The following KIF16B variants were observed in gnomAD, a reference collection of about 807,000 sequenced individuals.
KIF16B encodes the protein kinesin-like protein KIF16B.
A neutral mutation model predicts 156.3 loss-of-function variants in KIF16B; 98 were observed. The observed-to-expected ratio is 0.63, with a 90% CI of 0.53 to 0.74. The LOEUF (loss-of-function observed/expected upper bound fraction) is 0.74. KIF16B is among the 30% of genes least tolerant of loss of function. KIF16B has a pLI of 0.00. For missense variants in KIF16B, 1,421 were observed against 1,606.5 expected (o/e 0.88, Z 1.97); for synonymous variants, 564 against 583.7 (o/e 0.97, Z 0.49).
intron 17 of KIF16B, among the ~76,000 whole-genome samples, chr20:16,400,656 G>T (rs528059656): frequency 2.0e-5 from 3 of 152,178 alleles, no homozygotes; most frequent in Non-Finnish European, 4.4e-5. Flanking sequence ...TGGTATATCC[G>T]TAAAATGGAA....
intron 12 of KIF16B, among the ~76,000 whole-genome samples, chr20:16,480,651 C>G (rs1251420234): frequency 6.6e-6 from 1 of 152,126 alleles, no homozygotes; most frequent in Non-Finnish European, 1.5e-5. Context: ...AGAACAACCG[C>G]AGAGAGGAGG....
intron 19 of KIF16B, among the ~76,000 whole-genome samples, chr20:16,377,587 T>C (rs1268233526): frequency 6.6e-6 from 1 of 151,608 alleles, no homozygotes; most frequent in Non-Finnish European, 1.5e-5. Flanking sequence ...TGTGATCTCA[T>C]CCATCCTCTT....
chr20:16,367,228 T>G, intron 22 of KIF16B: 1 of 1,612,846 alleles, frequency 6.2e-7, no homozygotes, highest in Middle Eastern at 1.6e-4. Flanking sequence ...AGGTGCGACA[T>G]TCTGACTGCC....
chr20:16,550,153 A>G (rs2070584609), intron 1 of KIF16B, among the ~76,000 whole-genome samples: 2 of 123,554 alleles, frequency 1.6e-5, no homozygotes, highest in Admixed American at 9.1e-5. Context: ...ATTTACAAGA[A>G]AAAAACAAAC....
chr20:16,363,412 A>G (rs1245966647), intron 22 of KIF16B, among the ~76,000 whole-genome samples: 2 of 152,188 alleles, frequency 1.3e-5, no homozygotes, highest in Non-Finnish European at 2.9e-5. Context: ...AAGTCCTACA[A>G]GTTTTATCTG....
chr20:16,472,456 G>A (rs1292461170), intron 12 of KIF16B, among the ~76,000 whole-genome samples: 1 of 150,620 alleles, frequency 6.6e-6, no homozygotes, highest in Non-Finnish European at 1.5e-5. Context: ...CCTCTAAACT[G>A]CCAAGCTACA....
At chr20:16,468,393 G>A (rs1053055745) in intron 12 of KIF16B, among the ~76,000 whole-genome samples, 2 of 151,916 alleles carry the variant, frequency 1.3e-5, no homozygotes, top group Non-Finnish European at 1.5e-5. Flanking sequence ...CCAACATGGC[G>A]AAACTCCGTC....
At chr20:16,313,952 T>A (rs2063659176) in intron 24 of KIF16B, among the ~76,000 whole-genome samples, 1 of 152,228 alleles carries the variant, frequency 6.6e-6, no homozygotes, top group African/African-American at 2.4e-5. Flanking sequence ...GTCATACTCT[T>A]ACGTGTTGCA....
intron 23 of KIF16B, among the ~76,000 whole-genome samples, chr20:16,345,569 C>T (rs1298940902): frequency 2.0e-5 from 3 of 152,184 alleles, no homozygotes; most frequent in East Asian, 3.9e-4. Context: ...TCTCATTTAC[C>T]AAATTCCCTT....
At chr20:16,311,007 T>C (rs2063612041) in intron 25 of KIF16B, among the ~76,000 whole-genome samples, 1 of 152,242 alleles carries the variant, frequency 6.6e-6, no homozygotes, top group South Asian at 2.1e-4. Flanking sequence ...CTCCAGCCTC[T>C]AGATATTTCC....
At chr20:16,445,577 G>A (rs74643253) in intron 12 of KIF16B, among the ~76,000 whole-genome samples, 1,874 of 151,938 alleles carry the variant, frequency 0.012, 32 homozygotes, top group African/African-American at 0.03. Flanking sequence ...GCATAATCAG[G>A]AGCAGCCTTG....
At chr20:16,550,528 C>CTTTTT (rs745923425) in intron 1 of KIF16B, among the ~76,000 whole-genome samples, 24 of 103,484 alleles carry the variant, frequency 2.3e-4, no homozygotes, top group African/African-American at 3.1e-4. Context: ...ATGAAACATT[C>CTTTTT]TTTTTTTTTT....
chr20:16,367,743 C>T, intron 22 of KIF16B: 1 of 1,612,382 alleles, frequency 6.2e-7, no homozygotes, highest in South Asian at 1.1e-5. Flanking sequence ...AAAGCTGAAC[C>T]AGATCTTGCT....
intron 17 of KIF16B, among the ~76,000 whole-genome samples, chr20:16,384,847 T>C (rs546825287): frequency 9.9e-5 from 15 of 152,108 alleles, no homozygotes; most frequent in Non-Finnish European, 2.1e-4. Flanking sequence ...TCTTACAGAC[T>C]GTTGCAGCCT....
At chr20:16,557,099 A>G (rs2070876774) in intron 1 of KIF16B, among the ~76,000 whole-genome samples, 1 of 148,862 alleles carries the variant, frequency 6.7e-6, no homozygotes, top group Admixed American at 6.7e-5. Flanking sequence ...TATATATAGT[A>G]TTAATATTAA....
At chr20:16,361,185 C>T (rs2064545188) in intron 22 of KIF16B, among the ~76,000 whole-genome samples, 1 of 152,186 alleles carries the variant, frequency 6.6e-6, no homozygotes, top group African/African-American at 2.4e-5. Context: ...TTTTCAACTA[C>T]ACATACTATA....
At chr20:16,479,324 C>CA (rs1280031153) in intron 12 of KIF16B, among the ~76,000 whole-genome samples, 2 of 151,966 alleles carry the variant, frequency 1.3e-5, no homozygotes, top group African/African-American at 4.8e-5. Context: ...AAAGAAGACA[C>CA]AGGGAGTGGA....
chr20:16,504,685 T>C (rs556360843), intron 9 of KIF16B, 138 bp from the exon 10 acceptor site: 2 of 627,918 alleles, frequency 3.2e-6, no homozygotes, highest in African/African-American at 1.8e-5. Context: ...GTAATGAATA[T>C]GAAAAATTAT....
At chr20:16,343,162 G>A (rs1295269494) in intron 23 of KIF16B, among the ~76,000 whole-genome samples, 1 of 152,186 alleles carries the variant, frequency 6.6e-6, no homozygotes, top group Non-Finnish European at 1.5e-5. Flanking sequence ...CTCTCCCTCT[G>A]AGTGGTTTCA....
Sources: allele counts gnomAD v4.1 joint callset (sites outside exome capture counted in the v4.1 genomes callset), GRCh38; gene constraint gnomAD v4.1.1; transcripts MANE v1.5; gene names NCBI Gene and HGNC (gene_info 2026-07-23, HGNC 2026-07-21).